The following COLEC10 variants were observed in gnomAD, a reference collection of about 807,000 sequenced individuals.
COLEC10 encodes collectin-10.
Under a neutral mutation model 28.4 loss-of-function variants are expected in COLEC10, and 22 were observed. The ratio of observed to expected loss-of-function variants is 0.78; its 90% CI spans 0.55 to 1.11. The LOEUF (loss-of-function observed/expected upper bound fraction) is 1.11, where lower values mean the gene tolerates loss of function less well. Ranked by LOEUF, COLEC10 falls within the 50% of genes least tolerant of loss-of-function variation. COLEC10 has a pLI of 0.00. For synonymous variants in COLEC10, 125 were observed against 116.1 expected (o/e 1.08, Z -0.49); for missense variants, 361 against 344.1 (o/e 1.05, Z -0.39).
rs562824519 is a variant in COLEC10, at chr8:119,003,637, T to C, written n.123-5804T>C. ...GGATGGGCCCCTTCTAGAAGGATGC[T>C]TGGAAAGCAGAGTGGAATTATGAAA... On this transcript the variant is annotated intron_variant and non_coding_transcript_variant, in intron 1 of 6. Coordinates refer to the COLEC10 transcript ENST00000521788. Among the ~76,000 whole-genome samples, 4 of 152,120 alleles carry C rather than the reference T, an allele frequency of 2.6e-5. No individual in the cohort carries two copies. The East Asian group carries it at 7.7e-4, about 29-fold the overall frequency.
At chr8:119,104,877 A>C (rs927162775) in intron 5 of COLEC10, among the ~76,000 whole-genome samples, 1 of 152,202 alleles carries the variant, frequency 6.6e-6, no homozygotes, top group African/African-American at 2.4e-5. Flanking sequence ...TAGTGGTCAT[A>C]GATTTATTTG....
intron 3 of COLEC10, among the ~76,000 whole-genome samples, chr8:119,098,608 G>T (rs1156594014): frequency 6.6e-6 from 1 of 151,942 alleles, no homozygotes; most frequent in African/African-American, 2.4e-5. Context: ...TTATCTTAAT[G>T]CCTATTATAT....
At chr8:119,035,238 G>C (rs975780851) in intron 2 of COLEC10, among the ~76,000 whole-genome samples, 1 of 152,232 alleles carries the variant, frequency 6.6e-6, no homozygotes, top group African/African-American at 2.4e-5. Context: ...CTGAGCTCAA[G>C]ATGGCTTTAT....
chr8:118,989,234 A>G, the COLEC10 span, among the ~76,000 whole-genome samples: 1 of 152,186 alleles, frequency 6.6e-6, no homozygotes, highest in African/African-American at 2.4e-5. Context: ...TGGGCTCATT[A>G]GTAGCGTGGA....
chr8:119,021,492 T>C (rs1268081995), intron 2 of COLEC10, among the ~76,000 whole-genome samples: 2 of 152,132 alleles, frequency 1.3e-5, no homozygotes, highest in East Asian at 3.9e-4. Context: ...TGGCAGGAAT[T>C]ACTACTGCTG....
chr8:119,083,610 C>G (rs957114001), intron 1 of COLEC10, among the ~76,000 whole-genome samples: 2 of 152,114 alleles, frequency 1.3e-5, no homozygotes, highest in African/African-American at 2.4e-5. Flanking sequence ...GAATTTTACC[C>G]ATAATCTTAC....
intron 1 of COLEC10, among the ~76,000 whole-genome samples, chr8:118,998,165 G>A (rs1007520871): frequency 6.5e-5 from 5 of 76,578 alleles, no homozygotes; most frequent in South Asian, 4.1e-4. Flanking sequence ...AAAATGAAAT[G>A]AGAAAAAAAT....
chr8:119,026,826 G>T (rs1299040018), intron 2 of COLEC10, among the ~76,000 whole-genome samples: 1 of 152,176 alleles, frequency 6.6e-6, no homozygotes, highest in Non-Finnish European at 1.5e-5. Context: ...GTTGCCTGAA[G>T]CTGGAGAGAG....
In COLEC10 at chr8:119,091,191, T is replaced by C. The variant is rs959884623; in HGVS notation, c.263T>C (p.Ile88Thr). ...GGTGATATGGGAGATCAGGGCAATA[T>C]TGGCAAGACTGGGCCCATTGGGAAG... The part of the protein sequence containing the change: ...ELGDMGDQGN[I>T]GKTGPIGKKG... Residue 88 changes from isoleucine to threonine, a missense_variant, in exon 3 of 6, where the codon ATT becomes ACT. This residue lies in a region of COLEC10 where 335 missense variants were observed against 308.5 expected (regional missense o/e 1.09). Transcript: ENST00000332843. 11 of 1,612,882 alleles carry C rather than the reference T, an allele frequency of 6.8e-6. No homozygotes were observed. Among genetic ancestry groups the C allele is most frequent in the South Asian group, 1.1e-5 (1 of 90,866 alleles).
chr8:119,012,742 C>A (rs760536588), intron 2 of COLEC10, among the ~76,000 whole-genome samples: 1 of 150,350 alleles, frequency 6.7e-6, no homozygotes, highest in African/African-American at 2.5e-5. Context: ...TCTAGGTTAT[C>A]AAATATGTAG....
chr8:119,087,849 A>G (rs960024045), intron 1 of COLEC10, among the ~76,000 whole-genome samples: 1 of 152,182 alleles, frequency 6.6e-6, no homozygotes, highest in Non-Finnish European at 1.5e-5. Flanking sequence ...CTCTATGACA[A>G]TAGGCAAGCA....
At chr8:119,100,540 C>T (rs1275458456) in intron 3 of COLEC10, among the ~76,000 whole-genome samples, 1 of 152,138 alleles carries the variant, frequency 6.6e-6, no homozygotes, top group Non-Finnish European at 1.5e-5. Flanking sequence ...GAGCAGGGTG[C>T]TCGACATATG....
At chr8:119,044,574 G>A (rs1183980614) in intron 2 of COLEC10, among the ~76,000 whole-genome samples, 8 of 152,138 alleles carry the variant, frequency 5.3e-5, no homozygotes, top group South Asian at 2.1e-4. Flanking sequence ...GGCGGGCATG[G>A]TGGCTTATGC....
At chr8:118,977,563 A>G in the COLEC10 span, among the ~76,000 whole-genome samples, 3 of 137,060 alleles carry the variant, frequency 2.2e-5, no homozygotes, top group African/African-American at 8.3e-5. Context: ...GAACACATGG[A>G]CACAGGAAGG....
At chr8:119,065,766 G>A (rs750998680), upstream of COLEC10, among the ~76,000 whole-genome samples, 6 of 151,172 alleles carry the variant, frequency 4.0e-5, no homozygotes, top group South Asian at 2.1e-4. Flanking sequence ...GCTGAGGCAC[G>A]AGAATCGCTT....
At chr8:119,101,430 T>C (rs1268663461) in intron 3 of COLEC10, among the ~76,000 whole-genome samples, 1 of 152,152 alleles carries the variant, frequency 6.6e-6, no homozygotes, top group Admixed American at 6.6e-5. Context: ...GATGTGGGCT[T>C]CAAGAGCTTA....
At chr8:118,977,493 C>T in the COLEC10 span, among the ~76,000 whole-genome samples, 10 of 144,788 alleles carry the variant, frequency 6.9e-5, no homozygotes, top group South Asian at 2.2e-4. Context: ...AGTAAACTAT[C>T]GCAAGAACAA....
intron 2 of COLEC10, among the ~76,000 whole-genome samples, chr8:119,032,293 C>T (rs1814302211): frequency 6.6e-6 from 1 of 152,086 alleles, no homozygotes; most frequent in Non-Finnish European, 1.5e-5. Context: ...CTGTGTAGCC[C>T]CTTCAAACTT....
intron 2 of COLEC10, among the ~76,000 whole-genome samples, chr8:119,039,085 C>T (rs1466363518): frequency 6.6e-6 from 1 of 152,130 alleles, no homozygotes; most frequent in Non-Finnish European, 1.5e-5. Flanking sequence ...TCACATTCAA[C>T]AGCCCCATCT....
Sources: gnomAD v4.1 joint callset for allele counts (sites outside exome capture counted in the v4.1 genomes callset) on GRCh38, gnomAD v4.1.1 for gene constraint, gnomAD v4.1.1 regional missense constraint, MANE v1.5 for transcripts, NCBI Gene and HGNC (gene_info 2026-07-23, HGNC 2026-07-21) for gene names.